The following GALNT14 variants were observed in gnomAD, a reference collection of about 807,000 sequenced individuals.
GALNT14 encodes polypeptide N-acetylgalactosaminyltransferase 14.
In GALNT14, 60 loss-of-function variants were observed where a neutral mutation model predicts 77.5. The ratio of observed to expected loss-of-function variants is 0.77; its 90% confidence interval spans 0.63 to 0.96. GALNT14 has a LOEUF of 0.96. Ranked by LOEUF, GALNT14 falls within the 40% of genes least tolerant of loss-of-function variation. GALNT14 has a pLI of 0.00. For synonymous variants in GALNT14, 280 were observed against 281.7 expected, an observed-to-expected ratio of 0.99 and a Z score of 0.06; for missense variants, 710 against 731.0, an observed-to-expected ratio of 0.97 and a Z score of 0.33.
At chr2:31,117,320 G>T (rs985307567) in intron 1 of GALNT14, among the ~76,000 whole-genome samples, 2 of 152,158 alleles carry the variant, frequency 1.3e-5, no homozygotes, top group African/African-American at 4.8e-5. Context: ...AGTAAGAACT[G>T]AAGAGGAAGC....
chr2:31,123,051 G>A (rs1034887623), intron 1 of GALNT14, among the ~76,000 whole-genome samples: 8 of 151,876 alleles, frequency 5.3e-5, no homozygotes, highest in East Asian at 3.9e-4. Flanking sequence ...GCGGGGTGAC[G>A]GGCACCTGTA....
At chr2:30,940,146 G>GAT (rs1666295118) in intron 9 of GALNT14, among the ~76,000 whole-genome samples, 1 of 152,116 alleles carries the variant, frequency 6.6e-6, no homozygotes, top group Non-Finnish European at 1.5e-5. Flanking sequence ...TTTTGTGATG[G>GAT]ATTGCAAATG....
At chr2:31,004,926 T>A (rs1229012833) in intron 1 of GALNT14, among the ~76,000 whole-genome samples, 3 of 152,162 alleles carry the variant, frequency 2.0e-5, no homozygotes, top group Admixed American at 1.3e-4. Context: ...GGGTCATGAA[T>A]GAGCAGACCT....
intron 7 of GALNT14, among the ~76,000 whole-genome samples, 181 bp downstream of exon 7, chr2:30,945,602 C>T (rs749808994): frequency 1.3e-5 from 2 of 152,196 alleles, no homozygotes; most frequent in Non-Finnish European, 2.9e-5. Context: ...CTGCCCACCC[C>T]CTAGCCCTTC....
At chr2:31,135,714 C>T (rs1369208362) in intron 1 of GALNT14, among the ~76,000 whole-genome samples, 1 of 152,138 alleles carries the variant, frequency 6.6e-6, no homozygotes, top group Non-Finnish European at 1.5e-5. Context: ...GCTACTAAAC[C>T]ACTCCCCACC....
At chr2:31,102,687 C>T (rs1435979010) in intron 1 of GALNT14, among the ~76,000 whole-genome samples, 1 of 152,058 alleles carries the variant, frequency 6.6e-6, no homozygotes, top group Admixed American at 6.6e-5. Flanking sequence ...TTAATTAGAG[C>T]TTCCATATTG....
intron 9 of GALNT14, 79 bp downstream of exon 9, chr2:30,942,122 C>A: frequency 5.0e-6 from 5 of 996,086 alleles, no homozygotes; most frequent in South Asian, 1.5e-5. Context: ...GGTGTTGGAT[C>A]CAAAACCACA....
At chr2:31,062,178 G>A (rs1674641324) in intron 1 of GALNT14, among the ~76,000 whole-genome samples, 1 of 152,112 alleles carries the variant, frequency 6.6e-6, no homozygotes, top group Non-Finnish European at 1.5e-5. Context: ...AGCACCGCAT[G>A]CATTAGGTAT....
chr2:31,043,802 C>G (rs538052134), intron 1 of GALNT14, among the ~76,000 whole-genome samples: 1 of 152,078 alleles, frequency 6.6e-6, no homozygotes, highest in Non-Finnish European at 1.5e-5. Context: ...CCAGAGAGAA[C>G]GATCTATAAA....
intron 1 of GALNT14, among the ~76,000 whole-genome samples, chr2:31,043,925 G>C (rs375356607): frequency 2.0e-3 from 287 of 145,130 alleles, no homozygotes; most frequent in African/African-American, 6.9e-3. Flanking sequence ...GGATGACCAG[G>C]GAATGGCCCT....
chr2:30,978,364 AG>A (rs1234191190), intron 2 of GALNT14, among the ~76,000 whole-genome samples: 1 of 152,236 alleles, frequency 6.6e-6, no homozygotes, highest in African/African-American at 2.4e-5. Context: ...TCTTGCAGGC[AG>A]GGGCCACGTT....
intron 1 of GALNT14, among the ~76,000 whole-genome samples, chr2:31,114,218 T>C (rs10196495): frequency 0.62 from 94,314 of 151,304 alleles, 31,246 homozygotes; most frequent in African/African-American, 0.86. Flanking sequence ...CTTACACACA[T>C]CACCATTCTC....
chr2:31,005,919 G>T (rs1484906837), intron 1 of GALNT14, among the ~76,000 whole-genome samples: 1 of 152,240 alleles, frequency 6.6e-6, no homozygotes, highest in Non-Finnish European at 1.5e-5. Context: ...TTTTATGCAC[G>T]TGGAGAGTGG....
At position 30,958,392 on chromosome 2, in the gene GALNT14, C is replaced by G; in HGVS notation, c.466+5G>C. 6.2e-7 allele frequency: 1 copy of G among 1,613,504 alleles called. No individual in the cohort carries two copies. Reference sequence around the variant, plus strand: ...TCTAAAGAGCAAGTGAGCAACATGACTTACGGTCATTGCTGAAGTCATCCA... The same window carrying G: ...TCTAAAGAGCAAGTGAGCAACATGAGTTACGGTCATTGCTGAAGTCATCCA... On this transcript the variant is annotated splice_donor_5th_base_variant and intron_variant, in intron 4 of 14. Transcript: ENST00000349752.
intron 13 of GALNT14, among the ~76,000 whole-genome samples, chr2:30,916,201 T>C (rs1664669194): frequency 6.6e-6 from 1 of 152,362 alleles, no homozygotes; most frequent in South Asian, 2.1e-4. Flanking sequence ...CTTATGTCTT[T>C]AGATGAATGC....
chr2:31,070,552 T>C (rs1489470667), intron 1 of GALNT14, among the ~76,000 whole-genome samples: 5 of 152,186 alleles, frequency 3.3e-5, no homozygotes, highest in Admixed American at 2.0e-4. Flanking sequence ...TGAAAAATGC[T>C]CGGCAGCAAT....
rs2148319403 is a variant in GALNT14, at chr2:30,956,083, C to T, written c.467-106G>A. On this transcript the variant is annotated intron_variant, in intron 4 of 14. Coordinates refer to ENST00000349752, the MANE Select transcript of GALNT14 (RefSeq NM_024572.4). ...TGAAGGGTAGGTGAGGCAGCCCTGTCCACTGTCCCCTAACTGCAGAGTGCA... is the reference window on the plus strand; with the variant it reads ...TGAAGGGTAGGTGAGGCAGCCCTGTTCACTGTCCCCTAACTGCAGAGTGCA... 2.8e-6 allele frequency: 3 copies of T among 1,054,342 alleles called. No homozygotes were observed. In the South Asian group the frequency reaches 4.0e-5, roughly 14 times the overall value. The allele number at this position is 1,054,342 out of a possible 1,614,324, so 65.3% of individuals were successfully genotyped here.
At chr2:30,979,206 C>T (rs1396328073) in intron 2 of GALNT14, among the ~76,000 whole-genome samples, 1 of 152,170 alleles carries the variant, frequency 6.6e-6, no homozygotes, top group Admixed American at 6.5e-5. Context: ...CGCAGTCACC[C>T]AGACGAGAGG....
At chr2:30,994,501 T>C (rs1437816496) in intron 1 of GALNT14, among the ~76,000 whole-genome samples, 5 of 152,228 alleles carry the variant, frequency 3.3e-5, no homozygotes, top group Admixed American at 6.5e-5. Flanking sequence ...AGCATTCTCC[T>C]GCTAATAGCA....
Sources: gnomAD v4.1 joint callset for allele counts (sites outside exome capture counted in the v4.1 genomes callset) on GRCh38, gnomAD v4.1.1 for gene constraint, MANE v1.5 for transcripts, NCBI Gene and HGNC (gene_info 2026-07-23, HGNC 2026-07-21) for gene names.